DHRSX: variants seen among roughly 807,000 people sequenced by gnomAD.
DHRSX encodes polyprenol dehydrogenase.
Under a neutral mutation model 34.0 loss-of-function variants are expected in DHRSX, and 31 were observed. That is an observed-to-expected ratio of 0.91 (90% CI 0.69 to 1.23). The LOEUF is 1.23. Among genes scored for constraint, DHRSX ranks in the 50% most tolerant of loss-of-function variants. The pLI, the probability that DHRSX is intolerant of heterozygous loss-of-function variation, is 0.00. For synonymous variants in DHRSX, 201 were observed against 183.8 expected (o/e 1.09, Z -0.76); for missense variants, 414 against 428.1 (o/e 0.97, Z 0.29).
intron 4 of DHRSX, among the ~76,000 whole-genome samples, chrX:2,272,426 G>A (rs1327218990): frequency 1.3e-5 from 2 of 152,070 alleles, no homozygotes; most frequent in Non-Finnish European, 2.9e-5. Context: ...TTTGACACTC[G>A]TCTCCTTGGG....
intron 4 of DHRSX, among the ~76,000 whole-genome samples, chrX:2,283,111 G>A (rs2041751229): frequency 6.6e-6 from 1 of 151,932 alleles, no homozygotes; most frequent in African/African-American, 2.4e-5. Flanking sequence ...AAAAACCACT[G>A]CTTCTCAACC....
intron 5 of DHRSX, among the ~76,000 whole-genome samples, chrX:2,258,013 A>T (rs1327423207): frequency 1.3e-5 from 2 of 152,132 alleles, no homozygotes; most frequent in African/African-American, 4.8e-5. Context: ...TCCTTATAAG[A>T]AGAGGAGATG....
At chrX:2,327,009 C>T (rs1176128991) in intron 3 of DHRSX, among the ~76,000 whole-genome samples, 4 of 152,040 alleles carry the variant, frequency 2.6e-5, no homozygotes, top group African/African-American at 4.8e-5. Context: ...GATGGGGTTT[C>T]GCCATGTTGG....
chrX:2,468,738 T>C (rs916348868), intron 1 of DHRSX, among the ~76,000 whole-genome samples: 2 of 148,878 alleles, frequency 1.3e-5, no homozygotes, highest in African/African-American at 5.0e-5. Context: ...AGACTTTCCC[T>C]AGGGATGGGG....
chrX:2,431,278 T>C lies in DHRSX; in HGVS notation c.110-5974A>G, dbSNP rs182118515. Among the ~76,000 whole-genome samples, 33 of 149,864 alleles carry C rather than the reference T, an allele frequency of 2.2e-4. No homozygotes were observed. In the East Asian group the frequency reaches 5.9e-3, roughly 27 times the overall value. Reference sequence around the variant, plus strand: ...AGGTAGAGCTTGCAGTGAGCCGAGATTGTGCCACTGCACTCCAGCCTGGGC... The same window carrying C: ...AGGTAGAGCTTGCAGTGAGCCGAGACTGTGCCACTGCACTCCAGCCTGGGC... On this transcript the variant is annotated intron_variant, in intron 1 of 6. Transcript: ENST00000334651.
In DHRSX at chrX:2,430,691, ATGTT is replaced by A. The variant is rs1191690617; in HGVS notation, c.110-5391_110-5388del. Among the ~76,000 whole-genome samples the A allele has an allele frequency of 4.7e-4, 71 of 151,954 alleles. 1 individual carries two copies. The highest frequency in any genetic ancestry group is 1.7e-3 in the African/African-American group (70 of 41,432). ...TCCCCTAGTAAATCTCTGGCCCATC[ATGTT>A]CCTTCTTGGTGTGTGCTTCTCCAAA... On this transcript the variant is annotated intron_variant, in intron 1 of 6. Transcript: ENST00000334651.
intron 3 of DHRSX, among the ~76,000 whole-genome samples, chrX:2,301,034 A>G (rs189250767): frequency 7.4e-4 from 112 of 152,348 alleles, no homozygotes; most frequent in African/African-American, 2.7e-3. Context: ...AATAATATCC[A>G]CGGAAACAGA....
At chrX:2,399,889 A>G (rs1260856841) in intron 3 of DHRSX, among the ~76,000 whole-genome samples, 1 of 151,974 alleles carries the variant, frequency 6.6e-6, no homozygotes, top group African/African-American at 2.4e-5. Flanking sequence ...AAAAAACAAA[A>G]TTAGCCATGT....
intron 3 of DHRSX, among the ~76,000 whole-genome samples, chrX:2,370,985 T>C (rs537140803): frequency 2.3e-3 from 357 of 152,236 alleles, no homozygotes; most frequent in Admixed American, 5.4e-3. Flanking sequence ...AAGAAAATGG[T>C]ATGCTGCCTG....
At chrX:2,463,176 T>C (rs1283041407) in intron 1 of DHRSX, among the ~76,000 whole-genome samples, 1 of 152,068 alleles carries the variant, frequency 6.6e-6, no homozygotes, top group Non-Finnish European at 1.5e-5. Context: ...ATTACCCAAC[T>C]GAAGGTATTT....
At chrX:2,274,064 C>G (rs895482591) in intron 4 of DHRSX, among the ~76,000 whole-genome samples, 1 of 152,062 alleles carries the variant, frequency 6.6e-6, no homozygotes, top group African/African-American at 2.4e-5. Flanking sequence ...TTGAGGTAAA[C>G]TCTTGCTGTG....
At chrX:2,349,847 G>C (rs1378099051) in intron 3 of DHRSX, among the ~76,000 whole-genome samples, 2 of 147,974 alleles carry the variant, frequency 1.4e-5, no homozygotes, top group Admixed American at 1.4e-4. Context: ...GACCATCCTG[G>C]CTAACAGGGT....
chrX:2,324,914 A>G (rs747712814), intron 3 of DHRSX, among the ~76,000 whole-genome samples: 4 of 148,782 alleles, frequency 2.7e-5, no homozygotes, highest in Non-Finnish European at 3.0e-5. Flanking sequence ...CATTATAGGT[A>G]CGCACCACCA....
intron 3 of DHRSX, among the ~76,000 whole-genome samples, chrX:2,306,452 C>T (rs1400104028): frequency 4.0e-5 from 6 of 149,098 alleles, no homozygotes; most frequent in East Asian, 2.0e-4. Flanking sequence ...ATTAAGATTG[C>T]GATCAATTAT....
intron 1 of DHRSX, chrX:2,490,405 G>A (rs368165190): frequency 2.3e-5 from 37 of 1,613,818 alleles, no homozygotes; most frequent in East Asian, 4.5e-5. Context: ...CGTCCTGCCC[G>A]GGCTGCTGGG....
chrX:2,319,247 C>A (rs1345410693), intron 3 of DHRSX, among the ~76,000 whole-genome samples: 1 of 146,916 alleles, frequency 6.8e-6, no homozygotes, highest in Non-Finnish European at 1.5e-5. Flanking sequence ...TCCCCTCCCC[C>A]TCCTCTCCCT....
chrX:2,495,685 G>A (rs921167471), intron 1 of DHRSX, among the ~76,000 whole-genome samples: 22 of 150,714 alleles, frequency 1.5e-4, no homozygotes, highest in Non-Finnish European at 2.4e-4. Context: ...CAGCGCTTCC[G>A]AGCACACAAG....
intron 3 of DHRSX, among the ~76,000 whole-genome samples, chrX:2,330,060 A>C (rs2042437990): frequency 3.5e-5 from 1 of 28,436 alleles, no homozygotes; most frequent in African/African-American, 1.3e-4. Context: ...ATGAGAGAGA[A>C]GCAGAGAGAC....
chrX:2,454,265 G>A (rs1413204104), intron 1 of DHRSX, among the ~76,000 whole-genome samples: 5 of 152,070 alleles, frequency 3.3e-5, no homozygotes, highest in Admixed American at 6.6e-5. Context: ...TGTGACTCAC[G>A]CCTGTCATCC....
Sources: gnomAD v4.1 joint callset for allele counts (sites outside exome capture counted in the v4.1 genomes callset) on GRCh38, gnomAD v4.1.1 for gene constraint, MANE v1.5 for transcripts, NCBI Gene and HGNC (gene_info 2026-07-23, HGNC 2026-07-21) for gene names.